The following QTMAN variants were observed in gnomAD, a reference collection of about 807,000 sequenced individuals.
The protein encoded by QTMAN is queuosine-tRNA mannosyltransferase.
chr2:143,962,165 T>C, the QTMAN span, among the ~76,000 whole-genome samples: 4 of 152,056 alleles, frequency 2.6e-5, no homozygotes, highest in African/African-American at 9.7e-5. Context: ...GTGATATATA[T>C]ATCACTATGG....
At chr2:144,066,073 T>A in the QTMAN span, among the ~76,000 whole-genome samples, 4 of 152,188 alleles carry the variant, frequency 2.6e-5, no homozygotes, top group Admixed American at 2.0e-4. Flanking sequence ...GAAAAAAATA[T>A]CTTCTGCATG....
chr2:144,007,884 T>C, the QTMAN span, among the ~76,000 whole-genome samples: 1 of 152,112 alleles, frequency 6.6e-6, no homozygotes, highest in East Asian at 1.9e-4. Context: ...GGCCCAGTGC[T>C]TATTTTCAGG....
At chr2:143,968,406 G>A in the QTMAN span, among the ~76,000 whole-genome samples, 2 of 152,102 alleles carry the variant, frequency 1.3e-5, no homozygotes, top group Admixed American at 6.5e-5. Context: ...GTGTGGAAGC[G>A]AAGCCAAAGT....
chr2:143,961,804 C>A, the QTMAN span, among the ~76,000 whole-genome samples: 1 of 152,064 alleles, frequency 6.6e-6, no homozygotes, highest in East Asian at 1.9e-4. Flanking sequence ...CAGGGACTGG[C>A]ATGCCTGGGA....
chr2:144,037,505 G>C, the QTMAN span, among the ~76,000 whole-genome samples: 3 of 152,168 alleles, frequency 2.0e-5, no homozygotes, highest in Admixed American at 1.3e-4. Context: ...GGCAGCTCAT[G>C]AGCACGTGTG....
At chr2:144,312,060 G>A in the QTMAN span, among the ~76,000 whole-genome samples, 1 of 151,900 alleles carries the variant, frequency 6.6e-6, no homozygotes, top group Non-Finnish European at 1.5e-5. Flanking sequence ...CAAAACCCCA[G>A]ATAAATTCCA....
At chr2:144,283,793 A>T in the QTMAN span, among the ~76,000 whole-genome samples, 1 of 152,140 alleles carries the variant, frequency 6.6e-6, no homozygotes, top group African/African-American at 2.4e-5. Flanking sequence ...GTTACTAAAA[A>T]TGAGAACTAC....
chr2:144,119,685 A>G, the QTMAN span, among the ~76,000 whole-genome samples: 6,683 of 152,284 alleles, frequency 0.044, 261 homozygotes, highest in East Asian at 0.18. Flanking sequence ...CTACTGTAAA[A>G]TAAGACAGAG....
the QTMAN span, among the ~76,000 whole-genome samples, chr2:144,239,203 G>A: frequency 6.6e-6 from 1 of 151,630 alleles, no homozygotes; most frequent in Non-Finnish European, 1.5e-5. Flanking sequence ...AAAAGTGGAT[G>A]CTACAAGCTA....
At chr2:144,176,552 T>G in the QTMAN span, among the ~76,000 whole-genome samples, 2 of 152,076 alleles carry the variant, frequency 1.3e-5, no homozygotes, top group African/African-American at 4.8e-5. Flanking sequence ...TATGTAAAAT[T>G]ATCAGTATTT....
chr2:144,102,853 G>T, the QTMAN span, among the ~76,000 whole-genome samples: 1 of 152,060 alleles, frequency 6.6e-6, no homozygotes, highest in Admixed American at 6.5e-5. Flanking sequence ...AAATTTACCC[G>T]AAATACAAAT....
chr2:144,220,365 C>G, the QTMAN span, among the ~76,000 whole-genome samples: 1 of 152,054 alleles, frequency 6.6e-6, no homozygotes, highest in Admixed American at 6.6e-5. Context: ...TACTATTGTC[C>G]AAAGTTTCTG....
chr2:144,011,172 CT>C, the QTMAN span, among the ~76,000 whole-genome samples: 35 of 152,000 alleles, frequency 2.3e-4, no homozygotes, highest in Non-Finnish European at 4.1e-4. Context: ...AGGATATATC[CT>C]TTAGTTGGGG....
chr2:144,137,366 G>A, the QTMAN span, among the ~76,000 whole-genome samples: 2 of 151,996 alleles, frequency 1.3e-5, no homozygotes, highest in Non-Finnish European at 2.9e-5. Context: ...AATGGCTCCA[G>A]GCTGCTATGT....
the QTMAN span, among the ~76,000 whole-genome samples, chr2:144,134,898 T>C: frequency 2.6e-5 from 4 of 152,150 alleles, no homozygotes; most frequent in African/African-American, 7.2e-5. Flanking sequence ...ATTAATTATA[T>C]GCAACCATAA....
the QTMAN span, chr2:144,011,587 C>T: frequency 2.1e-6 from 2 of 969,084 alleles, no homozygotes; most frequent in Non-Finnish European, 2.4e-6. Context: ...TAATCAGACA[C>T]TATTTATAAT....
At chr2:144,022,883 A>G in the QTMAN span, among the ~76,000 whole-genome samples, 8 of 151,994 alleles carry the variant, frequency 5.3e-5, no homozygotes, top group East Asian at 3.9e-4. Flanking sequence ...CTCTTTATCA[A>G]TGTGTAATAC....
At chr2:144,154,984 T>C in the QTMAN span, among the ~76,000 whole-genome samples, 7 of 152,194 alleles carry the variant, frequency 4.6e-5, no homozygotes, top group African/African-American at 1.4e-4. Flanking sequence ...TGGTTAACTT[T>C]CCATTTATAC....
the QTMAN span, among the ~76,000 whole-genome samples, chr2:144,224,075 T>C: frequency 1.3e-5 from 2 of 152,232 alleles, no homozygotes; most frequent in Admixed American, 1.3e-4. Flanking sequence ...GTCTTCCATT[T>C]CACTGCCTTA....
Sources: allele counts gnomAD v4.1 joint callset (sites outside exome capture counted in the v4.1 genomes callset), GRCh38; gene constraint gnomAD v4.1.1; transcripts MANE v1.5; gene names NCBI Gene and HGNC (gene_info 2026-07-23, HGNC 2026-07-21).